Variants in PRKD1 observed in about 807,000 individuals in gnomAD.
PRKD1 encodes serine/threonine-protein kinase D1.
In PRKD1, 63 loss-of-function variants were observed where a neutral mutation model predicts 95.9. The ratio of observed to expected loss-of-function variants is 0.66; its 90% CI spans 0.54 to 0.81. PRKD1 has a LOEUF of 0.81. PRKD1 is among the 30% of genes least tolerant of loss of function. The pLI is 0.00. For synonymous variants in PRKD1, 425 were observed against 423.1 expected, an observed-to-expected ratio of 1.00 and a Z score of -0.05; for missense variants, 1,048 against 1,165.3, an observed-to-expected ratio of 0.90 and a Z score of 1.47.
chr14:29,747,262 G>T (rs1887267352), intron 1 of PRKD1, among the ~76,000 whole-genome samples: 1 of 152,024 alleles, frequency 6.6e-6, no homozygotes, highest in East Asian at 1.9e-4. Flanking sequence ...ACAGTGCTAG[G>T]ATGGCTCTAA....
At chr14:29,749,002 G>T (rs1390473297) in intron 1 of PRKD1, among the ~76,000 whole-genome samples, 1 of 152,044 alleles carries the variant, frequency 6.6e-6, no homozygotes, top group Non-Finnish European at 1.5e-5. Flanking sequence ...ATAGATAAAA[G>T]ACTTGAAATA....
intron 1 of PRKD1, among the ~76,000 whole-genome samples, chr14:29,805,949 A>G (rs1199288897): frequency 6.6e-6 from 1 of 152,218 alleles, no homozygotes; most frequent in African/African-American, 2.4e-5. Context: ...CAGAGAAGGG[A>G]AAATTGAGAA....
At chr14:29,649,114 T>C (rs1395638805) in intron 4 of PRKD1, among the ~76,000 whole-genome samples, 2 of 152,238 alleles carry the variant, frequency 1.3e-5, no homozygotes, top group East Asian at 1.9e-4. Context: ...GGGGTCCTTT[T>C]GTTCCTTGAG....
chr14:29,623,331 A>T (rs1879401763), intron 13 of PRKD1, among the ~76,000 whole-genome samples: 1 of 152,216 alleles, frequency 6.6e-6, no homozygotes, highest in Non-Finnish European at 1.5e-5. Context: ...TTATCATATG[A>T]AACTCAATAA....
At chr14:29,862,125 T>C (rs1006910380) in intron 1 of PRKD1, among the ~76,000 whole-genome samples, 4 of 152,196 alleles carry the variant, frequency 2.6e-5, no homozygotes, top group African/African-American at 9.7e-5. Flanking sequence ...ACTGAGGACA[T>C]GTGAGGTTTA....
Position 29,782,061 on chromosome 14 carries a change from A to T in PRKD1, c.265-56387T>A, listed in dbSNP as rs45586139. On this transcript the variant is annotated intron_variant, in intron 1 of 17. Transcript: ENST00000331968. Reference sequence around the variant, plus strand: ...TGCTTTACACCCTAATATTCCTTGAATATCTAAAACCATTTGTTTTCCTAA... The same window carrying T: ...TGCTTTACACCCTAATATTCCTTGATTATCTAAAACCATTTGTTTTCCTAA... 8.7e-3 allele frequency among the ~76,000 whole-genome samples: 1,324 copies of T among 152,300 alleles called. 49 individuals are homozygous for T. The East Asian group carries it at 0.094, about 11-fold the overall frequency.
intron 7 of PRKD1, among the ~76,000 whole-genome samples, chr14:29,635,362 C>T (rs1566502443): frequency 6.6e-6 from 1 of 152,010 alleles, no homozygotes. Context: ...ATATGTAATT[C>T]CCACCACTGC....
chr14:29,778,613 A>C (rs558886834), intron 1 of PRKD1, among the ~76,000 whole-genome samples: 11 of 152,262 alleles, frequency 7.2e-5, no homozygotes, highest in African/African-American at 2.6e-4. Flanking sequence ...CTGAATAGAC[A>C]AATAACAGGC....
rs191300836 is a variant in PRKD1 at position 29,810,746 on chromosome 14, A to C, written c.265-85072T>G. The stretch of plus-strand genomic sequence containing the variant: ...CACCTGCTCTGGCTTTAAAATGCCA[A>C]CCTCAAAACCTACAGTCAGGCACCA... On this transcript the variant is annotated intron_variant, in intron 1 of 17. Transcript: ENST00000331968. Among the ~76,000 whole-genome samples, 16 of 152,370 alleles carry C rather than the reference A, an allele frequency of 1.1e-4. No homozygotes were observed. In the East Asian group the frequency reaches 2.9e-3, roughly 28 times the overall value.
At chr14:29,877,921 T>C (rs1452410372) in intron 1 of PRKD1, among the ~76,000 whole-genome samples, 4 of 152,196 alleles carry the variant, frequency 2.6e-5, no homozygotes, top group East Asian at 1.9e-4. Flanking sequence ...AATGGCCGAT[T>C]GGATGAGGAA....
chr14:29,702,218 C>T (rs1369581040), intron 2 of PRKD1, among the ~76,000 whole-genome samples: 3 of 151,990 alleles, frequency 2.0e-5, no homozygotes, highest in Non-Finnish European at 4.4e-5. Flanking sequence ...TATTATCAAC[C>T]CCTCTAATTG....
chr14:29,759,519 C>A (rs975507448), intron 1 of PRKD1, among the ~76,000 whole-genome samples: 1 of 152,160 alleles, frequency 6.6e-6, no homozygotes, highest in Non-Finnish European at 1.5e-5. Flanking sequence ...GTTCCAGAAG[C>A]CACCATAGCC....
intron 1 of PRKD1, chr14:29,811,902 G>A (rs1890500822): frequency 6.6e-6 from 1 of 152,184 alleles, no homozygotes; most frequent in South Asian, 2.1e-4. Flanking sequence ...CGATGCATAA[G>A]AAACCCCAGG....
rs990416418 is a variant in PRKD1 at position 29,805,079 on chromosome 14, A to G, written c.265-79405T>C. ...CTTCTCAAATTTTAATAGCCTTAAG[A>G]ATAACATGGATATCTTGTTAGACTA... On this transcript the variant is annotated intron_variant, in intron 1 of 17. Transcript: ENST00000331968. Among the ~76,000 whole-genome samples, 8 of 152,248 alleles carry G rather than the reference A, an allele frequency of 5.3e-5. 1 individual carries two copies.
intron 1 of PRKD1, among the ~76,000 whole-genome samples, chr14:29,773,454 T>C: frequency 7.4e-6 from 1 of 135,058 alleles, no homozygotes; most frequent in Non-Finnish European, 1.6e-5. Flanking sequence ...AGCGAGGCTC[T>C]GTCTCAAAAA....
intron 4 of PRKD1, among the ~76,000 whole-genome samples, chr14:29,650,858 A>G (rs772157370): frequency 2.0e-5 from 3 of 152,254 alleles, no homozygotes; most frequent in Non-Finnish European, 1.5e-5. Context: ...ACCTTACAAT[A>G]TATGTGGGAA....
At chr14:29,685,684 T>A (rs1158811227) in intron 2 of PRKD1, among the ~76,000 whole-genome samples, 1 of 152,148 alleles carries the variant, frequency 6.6e-6, no homozygotes, top group South Asian at 2.1e-4. Flanking sequence ...TTTAGAAAGA[T>A]GAGCAATTAT....
intron 1 of PRKD1, among the ~76,000 whole-genome samples, chr14:29,902,020 G>A (rs1425931177): frequency 1.3e-5 from 2 of 152,254 alleles, no homozygotes; most frequent in East Asian, 3.9e-4. Context: ...TTGTAAACCA[G>A]TATTCTCTTG....
At chr14:29,836,185 A>G (rs1442199479) in intron 1 of PRKD1, among the ~76,000 whole-genome samples, 1 of 152,108 alleles carries the variant, frequency 6.6e-6, no homozygotes, top group African/African-American at 2.4e-5. Flanking sequence ...CAGCTACCCA[A>G]CTGCAAAACA....
Sources: gnomAD v4.1 joint callset for allele counts (sites outside exome capture counted in the v4.1 genomes callset) on GRCh38, gnomAD v4.1.1 for gene constraint, MANE v1.5 for transcripts, NCBI Gene and HGNC (gene_info 2026-07-23, HGNC 2026-07-21) for gene names.